Variants in DNAH11 observed in about 807,000 individuals in gnomAD.
The protein encoded by DNAH11 is axonemal beta dynein heavy chain 11.
In DNAH11, 442 loss-of-function variants were observed where a neutral mutation model predicts 526.0. The observed-to-expected ratio is 0.84, with a 90% CI of 0.78 to 0.91. DNAH11 has a LOEUF of 0.91. Among genes scored for constraint, DNAH11 ranks in the 40% least tolerant of loss-of-function variants. The probability of loss-of-function intolerance (pLI) is 0.00; values close to 1 mark genes in which losing one functional copy is unlikely to be tolerated. For synonymous variants in DNAH11, 2,461 were observed against 1,935.9 expected (o/e 1.27, Z -7.12); for missense variants, 6,989 against 5,448.7 (o/e 1.28, Z -8.90).
intron 20 of DNAH11, among the ~76,000 whole-genome samples, chr7:21,613,940 T>C (rs1785648174): frequency 6.6e-6 from 1 of 150,530 alleles, no homozygotes; most frequent in Non-Finnish European, 1.5e-5. Flanking sequence ...GCTAATTTTT[T>C]TTTTTTTTGC....
intron 66 of DNAH11, among the ~76,000 whole-genome samples, chr7:21,845,625 C>G (rs1583765141): frequency 6.6e-6 from 1 of 152,228 alleles, no homozygotes. Context: ...GCCTTGATTA[C>G]TGTAGCTTGA....
intron 9 of DNAH11, among the ~76,000 whole-genome samples, chr7:21,583,990 T>G (rs1329899851): frequency 6.6e-6 from 1 of 152,142 alleles, no homozygotes; most frequent in Non-Finnish European, 1.5e-5. Context: ...GGAGTGCAAA[T>G]TAGTTCAACC....
chr7:21,795,854 G>C (rs1227925400), intron 61 of DNAH11, among the ~76,000 whole-genome samples: 1 of 152,166 alleles, frequency 6.6e-6, no homozygotes, highest in Non-Finnish European at 1.5e-5. Flanking sequence ...GATGGGGTTG[G>C]GTGCTCAGGA....
chr7:21,789,808 T>TCTTTCTTGTTTCTTTCTTTC, intron 61 of DNAH11, among the ~76,000 whole-genome samples: 10 of 34,086 alleles, frequency 2.9e-4, no homozygotes, highest in African/African-American at 7.9e-4. Flanking sequence ...TTTCTTTCTT[T>TCTTTCTTGTTTCTTTCTTTC]TTTCTTTCTT....
chr7:21,844,041 T>C (rs1031247244), intron 66 of DNAH11, among the ~76,000 whole-genome samples: 1 of 152,222 alleles, frequency 6.6e-6, no homozygotes, highest in Admixed American at 6.5e-5. Context: ...TACTTTTTCT[T>C]AGTATAAATC....
At chr7:21,643,408 A>G (rs1313888512) in intron 28 of DNAH11, among the ~76,000 whole-genome samples, 2 of 152,090 alleles carry the variant, frequency 1.3e-5, no homozygotes, top group Non-Finnish European at 2.9e-5. Context: ...TCTCTTGTCT[A>G]TGAAACATTT....
chr7:21,900,209 CCTCA>C lies in DNAH11; in HGVS notation c.13303+95_13303+98del, dbSNP rs1348630590. The C allele has an allele frequency of 2.2e-6, 3 of 1,364,764 alleles. No homozygotes were observed. The African/African-American group carries it at 4.4e-5, about 20-fold the overall frequency. The allele number at this position is 1,364,764 out of a possible 1,614,324, so 84.5% of individuals were successfully genotyped here. On this transcript the variant is annotated intron_variant, in intron 81 of 81. Coordinates refer to ENST00000409508, the MANE Select transcript of DNAH11 (RefSeq NM_001277115.2). The stretch of plus-strand genomic sequence containing the variant: ...CTCTGCTTACTGTTTCTCAGCATCT[CCTCA>C]CTCACACAGTAACCTTATGCTAGTC...
At chr7:21,738,160 CAT>C (rs893466476) in intron 46 of DNAH11, among the ~76,000 whole-genome samples, 4 of 152,110 alleles carry the variant, frequency 2.6e-5, no homozygotes, top group African/African-American at 9.7e-5. Context: ...GACACAAAGT[CAT>C]ATAGACACAG....
chr7:21,668,708 C>T (rs1015291329), intron 30 of DNAH11, among the ~76,000 whole-genome samples: 1 of 152,176 alleles, frequency 6.6e-6, no homozygotes, highest in Non-Finnish European at 1.5e-5. Context: ...ACATTGTATA[C>T]GTGTACCACA....
rs1481330491 is a variant in DNAH11 at position 21,814,996 on chromosome 7, G to A, written c.10333-1471G>A. Among the ~76,000 whole-genome samples the A allele has an allele frequency of 2.0e-5, 3 of 152,040 alleles. No homozygotes were observed. The East Asian group carries it at 5.8e-4, about 29-fold the overall frequency. On this transcript the variant is annotated intron_variant, in intron 63 of 81. Coordinates refer to ENST00000409508, the MANE Select transcript of DNAH11 (RefSeq NM_001277115.2). ...ATAGTTATGATATTCTTTAATGTAG[G>A]TGTCTTCATTTATATTAAGATGGGT... is the stretch of plus-strand genomic sequence containing the variant.
chr7:21,679,140 A>G (rs1403900867), intron 30 of DNAH11, among the ~76,000 whole-genome samples: 1 of 152,196 alleles, frequency 6.6e-6, no homozygotes, highest in African/African-American at 2.4e-5. Flanking sequence ...TAAGCTAAAC[A>G]CAGAAAGACA....
chr7:21,811,967 C>T (rs1185043789), intron 63 of DNAH11, among the ~76,000 whole-genome samples: 2 of 152,114 alleles, frequency 1.3e-5, no homozygotes, highest in African/African-American at 2.4e-5. Context: ...GACATATCAC[C>T]ATCATGGGGG....
chr7:21,734,255 G>C (rs1456539259), intron 45 of DNAH11, among the ~76,000 whole-genome samples: 1 of 152,126 alleles, frequency 6.6e-6, no homozygotes, highest in African/African-American at 2.4e-5. Flanking sequence ...TTTGTTATGG[G>C]TGTCTTATGA....
At chr7:21,777,541 A>G (rs1787731338) in intron 56 of DNAH11, among the ~76,000 whole-genome samples, 1 of 152,198 alleles carries the variant, frequency 6.6e-6, no homozygotes, top group Admixed American at 6.5e-5. Flanking sequence ...CCAGCAGTGT[A>G]TGAGAGAGCC....
chr7:21,774,095 A>G (rs925055822), intron 56 of DNAH11, 96 bp downstream of exon 56: 6 of 1,134,488 alleles, frequency 5.3e-6, no homozygotes, highest in Non-Finnish European at 6.1e-6. Flanking sequence ...TTTCTATAAG[A>G]TGCCAGCTGG....
intron 30 of DNAH11, among the ~76,000 whole-genome samples, chr7:21,666,316 G>C (rs576130241): frequency 2.6e-5 from 4 of 152,152 alleles, no homozygotes; most frequent in East Asian, 3.9e-4. Context: ...AGATTTGAAG[G>C]TTCCTTGGTG....
chr7:21,711,096 G>A (rs1784450158), intron 41 of DNAH11, among the ~76,000 whole-genome samples: 1 of 152,160 alleles, frequency 6.6e-6, no homozygotes, highest in African/African-American at 2.4e-5. Context: ...CTTTGGCTAT[G>A]GATTGAGTTA....
At chr7:21,898,622 C>G in intron 79 of DNAH11, among the ~76,000 whole-genome samples, 1 of 152,140 alleles carries the variant, frequency 6.6e-6, no homozygotes, top group East Asian at 1.9e-4. Flanking sequence ...GGTTTCACTT[C>G]TCTCTTAATT....
Position 21,679,884 on chromosome 7 carries a change from T to A in DNAH11, c.5329-1662T>A, listed in dbSNP as rs773436503. On this transcript the variant is annotated intron_variant, in intron 30 of 81. Coordinates refer to ENST00000409508, the MANE Select transcript of DNAH11 (RefSeq NM_001277115.2). ...TCTTTTTTAAAAAATTTTATTATTATTATACTTTAAGTTTTAGGGTACATG... is the reference window on the plus strand; with the variant it reads ...TCTTTTTTAAAAAATTTTATTATTAATATACTTTAAGTTTTAGGGTACATG... Among the ~76,000 whole-genome samples, 4 of 152,304 alleles carry A rather than the reference T, an allele frequency of 2.6e-5. No individual in the cohort carries two copies. The East Asian group carries it at 7.7e-4, about 29-fold the overall frequency.
Sources: gnomAD v4.1 joint callset for allele counts (sites outside exome capture counted in the v4.1 genomes callset) on GRCh38, gnomAD v4.1.1 for gene constraint, MANE v1.5 for transcripts, NCBI Gene and HGNC (gene_info 2026-07-23, HGNC 2026-07-21) for gene names.